SETD7: variants seen among roughly 807,000 people sequenced by gnomAD.
SETD7 encodes the protein histone-lysine N-methyltransferase SETD7.
A neutral mutation model predicts 41.8 loss-of-function variants in SETD7; 16 were observed. That is an observed-to-expected ratio of 0.38 (90% CI 0.26 to 0.58). The LOEUF (loss-of-function observed/expected upper bound fraction) is 0.58. Ranked by LOEUF, SETD7 falls within the 20% of genes least tolerant of loss-of-function variation. The probability of loss-of-function intolerance (pLI) is 0.64; values close to 1 mark genes in which losing one functional copy is unlikely to be tolerated. For synonymous variants in SETD7, 163 were observed against 169.7 expected (o/e 0.96, Z 0.31); for missense variants, 346 against 459.7 (o/e 0.75, Z 2.26).
chr4:139,538,491 G>A (rs1212054789), intron 2 of SETD7, among the ~76,000 whole-genome samples: 3 of 152,014 alleles, frequency 2.0e-5, no homozygotes, highest in East Asian at 3.9e-4. Context: ...CACCAAACCT[G>A]GTTAATGTTT....
intron 2 of SETD7, among the ~76,000 whole-genome samples, chr4:139,543,723 C>T (rs916956129): frequency 3.3e-5 from 5 of 149,756 alleles, no homozygotes; most frequent in Admixed American, 1.4e-4. Flanking sequence ...AAGGCCAAGG[C>T]GGGCGGATCA....
In SETD7 at chr4:139,510,713, C is replaced by T. The variant is rs968787215; in HGVS notation, c.*950G>A. The T allele has an allele frequency of 1.3e-5, 2 of 152,246 alleles. No individual in the cohort carries two copies. The highest frequency in any genetic ancestry group is 2.4e-5 in the African/African-American group (1 of 41,388). 9.4% of individuals were successfully genotyped at this position (152,246 alleles called of 1,614,324 possible). A position where few individuals can be genotyped will look rare whatever the true frequency, so the allele number is the denominator to read the frequency against. Reference sequence around the variant, plus strand: ...ATGCACTGTGCCACAAGCCTGACCGCGCTATGTTATGTACATTTAATGTGT... The same window carrying T: ...ATGCACTGTGCCACAAGCCTGACCGTGCTATGTTATGTACATTTAATGTGT... On this transcript the variant is annotated 3_prime_UTR_variant, in exon 8 of 8. Coordinates refer to ENST00000274031, the MANE Select transcript of SETD7 (RefSeq NM_030648.4).
intron 2 of SETD7, among the ~76,000 whole-genome samples, chr4:139,538,759 A>C (rs936687622): frequency 6.6e-6 from 1 of 152,006 alleles, no homozygotes; most frequent in South Asian, 2.1e-4. Flanking sequence ...CATCTTGGCA[A>C]ATTCTTTAGT....
In SETD7 at chr4:139,538,450, C is replaced by T. The variant is rs930174267; in HGVS notation, c.171-5084G>A. On this transcript the variant is annotated intron_variant, in intron 2 of 7. Transcript: ENST00000274031. ...GTTCAAGCGATTCTCCTGCCTCAGC[C>T]TCCTGAGTAGCTGGGATTACAGGTG... Among the ~76,000 whole-genome samples the T allele has an allele frequency of 2.6e-5, 4 of 152,140 alleles. No individual in the cohort carries two copies. In the South Asian group the frequency reaches 8.3e-4, roughly 32 times the overall value.
At chr4:139,546,134 T>C (rs1727936243) in intron 2 of SETD7, 1 of 152,430 alleles carries the variant, frequency 6.6e-6, no homozygotes, top group Admixed American at 6.5e-5. Flanking sequence ...GAGAGTAAAA[T>C]AAAAGAAATC....
chr4:139,497,594 T>A lies in SETD7; in HGVS notation c.921-1073A>T, dbSNP rs959207502. Among the ~76,000 whole-genome samples, 4 of 150,356 alleles carry A rather than the reference T, an allele frequency of 2.7e-5. No individual in the cohort carries two copies. The South Asian group carries it at 8.4e-4, about 32-fold the overall frequency. On this transcript the variant is annotated intron_variant, in intron 7 of 7. Coordinates refer to the SETD7 transcript ENST00000506866. ...CATGTTTTTTTTGTTTTTTTGTTTTTTTGTTTTTTTTTTAGACGAAATCTC... is the reference window on the plus strand; with the variant it reads ...CATGTTTTTTTTGTTTTTTTGTTTTATTGTTTTTTTTTTAGACGAAATCTC...
Position 139,508,670 on chromosome 4 carries a change from A to G in SETD7, c.*2993T>C, listed in dbSNP as rs180837707. 6.6e-6 allele frequency: 1 copy of G among 152,308 alleles called. No individual in the cohort carries two copies. Among genetic ancestry groups the G allele is most frequent in the African/African-American group, 2.4e-5 (1 of 41,572 alleles). 9.4% of individuals were successfully genotyped at this position (152,308 alleles called of 1,614,324 possible). A position where few individuals can be genotyped will look rare whatever the true frequency, so the allele number is the denominator to read the frequency against. The stretch of plus-strand genomic sequence containing the variant: ...CAGGAGAGCATAAAGTTATTTCTTT[A>G]TTCCCCACCACATGGAATCTTCCAC... On this transcript the variant is annotated 3_prime_UTR_variant, in exon 8 of 8. Coordinates refer to ENST00000274031, the MANE Select transcript of SETD7 (RefSeq NM_030648.4).
rs770609292 is a variant in SETD7, at chr4:139,499,968, CCAAA to C, written c.921-3451_921-3448del. On this transcript the variant is annotated intron_variant, in intron 7 of 7. Coordinates refer to the SETD7 transcript ENST00000506866. ...TAGCATTAGATCATGCCGTTTTTGT[CCAAA>C]CATATTTCATACTTCATTGAACCTA... Among the ~76,000 whole-genome samples, 125 of 152,246 alleles carry C rather than the reference CCAAA, an allele frequency of 8.2e-4. 1 individual carries two copies. Among genetic ancestry groups the C allele is most frequent in the Non-Finnish European group, 5.7e-4 (39 of 68,012 alleles).
chr4:139,543,587 C>T (rs948376623), intron 2 of SETD7, among the ~76,000 whole-genome samples: 35 of 152,218 alleles, frequency 2.3e-4, no homozygotes, highest in Non-Finnish European at 4.1e-4. Flanking sequence ...CTCTTGAGGT[C>T]CTCGCTAACA....
chr4:139,535,783 G>C (rs1328167114), intron 2 of SETD7, among the ~76,000 whole-genome samples: 1 of 151,978 alleles, frequency 6.6e-6, no homozygotes, highest in Non-Finnish European at 1.5e-5. Context: ...CCACAGCTTA[G>C]CTTTCTTGGC....
chr4:139,554,455 G>T (rs778990490), intron 1 of SETD7, among the ~76,000 whole-genome samples: 6 of 152,174 alleles, frequency 3.9e-5, no homozygotes, highest in Admixed American at 2.0e-4. Flanking sequence ...AAAAGTAAAC[G>T]TTGAAGAAAG....
At chr4:139,549,512 A>ATTCCTTCCTTCCTTCCTTCCTTCCTTCC (rs144848460) in intron 1 of SETD7, among the ~76,000 whole-genome samples, 2,237 of 149,862 alleles carry the variant, frequency 0.015, 36 homozygotes, top group East Asian at 0.026. Flanking sequence ...ATGAAGAATT[A>ATTCCTTCCTTCCTTCCTTCCTTCCTTCC]TTCCTTCCTT....
intron 3 of SETD7, 119 bp downstream of exon 3, chr4:139,533,046 G>T: frequency 1.2e-6 from 1 of 821,378 alleles, no homozygotes; most frequent in Non-Finnish European, 2.1e-6. Context: ...CTTGGTGTCA[G>T]CTGTGGTGAC....
At chr4:139,546,897 CA>C (rs1340637508) in intron 2 of SETD7, 22 bp downstream of exon 2, 1 of 1,614,082 alleles carries the variant, frequency 6.2e-7, no homozygotes, top group South Asian at 1.1e-5. Flanking sequence ...CCCCAAAGAA[CA>C]AAATAAAACT....
Position 139,555,949 on chromosome 4 carries a change from G to C in SETD7, c.40+149C>G. 3.2e-6 allele frequency: 2 copies of C among 628,102 alleles called. No homozygotes were observed. The highest frequency in any genetic ancestry group is 4.6e-6 in the Non-Finnish European group (2 of 434,802). The allele number at this position is 628,102 out of a possible 1,614,324, so 38.9% of individuals were successfully genotyped here. A position where few individuals can be genotyped will look rare whatever the true frequency, so the allele number is the denominator to read the frequency against. ...TCCCGGCGGCGTGACCGTGGCTGTC[G>C]GGCCCCCGCCCGAGCCGGGCAACCG... On this transcript the variant is annotated intron_variant, in intron 1 of 7. Transcript: ENST00000274031. This position sits in a 1 kb window ranked among gnomAD's most constrained non-coding sequence, Gnocchi z 4.0.
chr4:139,546,730 C>T (rs946838381), intron 2 of SETD7, 190 bp downstream of exon 2: 1 of 713,936 alleles, frequency 1.4e-6, no homozygotes, highest in African/African-American at 1.8e-5. Flanking sequence ...AGAGCTAAGC[C>T]TTAGGCTGGC....
chr4:139,521,635 A>T (rs1486161237), intron 5 of SETD7, among the ~76,000 whole-genome samples: 2 of 152,118 alleles, frequency 1.3e-5, no homozygotes, highest in Non-Finnish European at 2.9e-5. Flanking sequence ...TTGCCACGTG[A>T]CCTTGTAGTG....
At position 139,508,581 on chromosome 4, in the gene SETD7, C is replaced by G. The variant is rs1726774250; in HGVS notation, c.*3082G>C. On this transcript the variant is annotated 3_prime_UTR_variant, in exon 8 of 8. Coordinates refer to ENST00000274031, the MANE Select transcript of SETD7 (RefSeq NM_030648.4). ...TGGTCATGCAGGAGTTGGACTGAGA[C>G]AGCTCTGAGTGAATCTCCTTGAGAT... is the stretch of plus-strand genomic sequence containing the variant. The G allele has an allele frequency of 6.6e-6, 1 of 152,218 alleles. No individual in the cohort carries two copies. Among genetic ancestry groups the G allele is most frequent in the Non-Finnish European group, 1.5e-5 (1 of 68,038 alleles). The allele number at this position is 152,218 out of a possible 1,614,324, so 9.4% of individuals were successfully genotyped here.
intron 7 of SETD7, among the ~76,000 whole-genome samples, chr4:139,517,400 G>T (rs947523959): frequency 2.0e-5 from 3 of 150,788 alleles, no homozygotes; most frequent in African/African-American, 7.4e-5. Flanking sequence ...GCTTGAACCT[G>T]GGAGGCAGAG....
Sources: allele counts gnomAD v4.1 joint callset (sites outside exome capture counted in the v4.1 genomes callset), GRCh38; gene constraint gnomAD v4.1.1; non-coding constraint Gnocchi (gnomAD v3.1); transcripts MANE v1.5; gene names NCBI Gene and HGNC (gene_info 2026-07-23, HGNC 2026-07-21).